Variants in SYT9 observed in about 807,000 individuals in gnomAD.
SYT9 encodes the protein synaptotagmin 9.
SYT9 carries 22 observed loss-of-function variants against 48.4 expected under a neutral mutation model. The observed-to-expected ratio is 0.45, with a 90% CI of 0.32 to 0.65. The LOEUF is 0.65. Among genes scored for constraint, SYT9 ranks in the 30% least tolerant of loss-of-function variants. The pLI is 0.03. For synonymous variants in SYT9, 265 were observed against 245.0 expected (o/e 1.08, Z -0.76); for missense variants, 577 against 622.0 (o/e 0.93, Z 0.77).
At chr11:7,372,070 A>G (rs1850371635) in intron 3 of SYT9, among the ~76,000 whole-genome samples, 1 of 152,144 alleles carries the variant, frequency 6.6e-6, no homozygotes, top group Non-Finnish European at 1.5e-5. Context: ...TATGTTTGTA[A>G]GAAACACAAA....
intron 3 of SYT9, among the ~76,000 whole-genome samples, chr11:7,404,891 G>A (rs949034200): frequency 5.3e-5 from 8 of 152,142 alleles, no homozygotes; most frequent in Non-Finnish European, 1.2e-4. Flanking sequence ...ACAGATCACA[G>A]AAAGAGTTTA....
At chr11:7,343,549 A>T (rs1015151888) in intron 3 of SYT9, among the ~76,000 whole-genome samples, 5 of 152,194 alleles carry the variant, frequency 3.3e-5, no homozygotes, top group Non-Finnish European at 7.3e-5. Flanking sequence ...TTAATGGTCC[A>T]TTATCAGCAT....
intron 3 of SYT9, among the ~76,000 whole-genome samples, chr11:7,334,750 C>G (rs1418709811): frequency 7.3e-6 from 1 of 136,130 alleles, no homozygotes; most frequent in Non-Finnish European, 1.6e-5. Flanking sequence ...AGGTACTCCG[C>G]TTTTACTTCT....
At chr11:7,269,033 G>A (rs574403409) in intron 1 of SYT9, among the ~76,000 whole-genome samples, 1 of 152,138 alleles carries the variant, frequency 6.6e-6, no homozygotes, top group East Asian at 1.9e-4. Flanking sequence ...TTGAGGCCTG[G>A]CTATATCATA....
intron 3 of SYT9, among the ~76,000 whole-genome samples, chr11:7,407,056 A>G (rs1847028916): frequency 6.6e-6 from 1 of 151,958 alleles, no homozygotes; most frequent in Admixed American, 6.6e-5. Context: ...TTGGGTTTTT[A>G]AAAATTTTTT....
chr11:7,301,625 C>T lies in SYT9; in HGVS notation c.146-1414C>T, dbSNP rs192595599. ...TATGAATCTGTGAAGACATGGCGTGCGCCTATCATGTTCCTCATTATATCT... is the reference window on the plus strand; with the variant it reads ...TATGAATCTGTGAAGACATGGCGTGTGCCTATCATGTTCCTCATTATATCT... On this transcript the variant is annotated intron_variant, in intron 1 of 6. Transcript: ENST00000318881. Among the ~76,000 whole-genome samples the T allele has an allele frequency of 1.4e-4, 21 of 152,312 alleles. No individual in the cohort carries two copies. The East Asian group carries it at 3.5e-3, about 25-fold the overall frequency.
At chr11:7,388,420 T>G (rs546608046) in intron 3 of SYT9, among the ~76,000 whole-genome samples, 1 of 152,288 alleles carries the variant, frequency 6.6e-6, no homozygotes, top group East Asian at 1.9e-4. Flanking sequence ...AAGAGGGCTA[T>G]TTTTATTTGC....
chr11:7,433,254 C>T (rs1411373432), intron 6 of SYT9, among the ~76,000 whole-genome samples: 1 of 152,184 alleles, frequency 6.6e-6, no homozygotes, highest in African/African-American at 2.4e-5. Context: ...GTATAGCCTG[C>T]AGAACTGTGA....
rs140771068 is a variant in SYT9 at position 7,420,354 on chromosome 11, C to T, written c.1338-152C>T. 4,897 of 995,116 alleles carry T rather than the reference C, an allele frequency of 4.9e-3. 12 individuals are homozygous for T. The highest frequency in any genetic ancestry group is 6.5e-3 in the Non-Finnish European group (4,432 of 683,198). 61.6% of individuals were successfully genotyped at this position (995,116 alleles called of 1,614,324 possible). On this transcript the variant is annotated intron_variant, in intron 5 of 6. Coordinates refer to ENST00000318881, the MANE Select transcript of SYT9 (RefSeq NM_175733.4). Reference sequence around the variant, plus strand: ...ATCCCAAGTCCTATTGGCCGTGAAGCTTAGCCTGTAGTTTTAAGTGAGGAA... The same window carrying T: ...ATCCCAAGTCCTATTGGCCGTGAAGTTTAGCCTGTAGTTTTAAGTGAGGAA...
intron 6 of SYT9, chr11:7,435,111 G>A (rs571210026): frequency 5.3e-5 from 8 of 152,232 alleles, no homozygotes; most frequent in Non-Finnish European, 1.0e-4. Context: ...TCAACCAAAT[G>A]GTTTGAGTCC....
intron 6 of SYT9, among the ~76,000 whole-genome samples, chr11:7,442,833 G>A (rs573148723): frequency 6.6e-6 from 1 of 150,838 alleles, no homozygotes; most frequent in South Asian, 2.1e-4. Flanking sequence ...GACTCTGATG[G>A]GTTCATTGAT....
intron 3 of SYT9, among the ~76,000 whole-genome samples, chr11:7,415,665 G>A (rs1847229730): frequency 6.6e-6 from 1 of 152,126 alleles, no homozygotes; most frequent in African/African-American, 2.4e-5. Flanking sequence ...GTAGTGATAT[G>A]AGTGGAGCCA....
At position 7,313,950 on chromosome 11, in the gene SYT9, A is replaced by G; in HGVS notation, c.1044+9A>G. On this transcript the variant is annotated intron_variant, in intron 3 of 6. Transcript: ENST00000318881. ...TCGAATATGTCACCAATGTGAGTCC[A>G]GCATTTCTTCATTTTTGTGGTGGGG... 6.2e-7 allele frequency: 1 copy of G among 1,601,894 alleles called. No homozygotes were observed. The highest frequency in any genetic ancestry group is 8.5e-7 in the Non-Finnish European group (1 of 1,175,268).
intron 3 of SYT9, among the ~76,000 whole-genome samples, chr11:7,378,341 A>C (rs1447837209): frequency 6.6e-6 from 1 of 152,094 alleles, no homozygotes; most frequent in Admixed American, 6.6e-5. Context: ...ACCTAAGAGC[A>C]CCCAATATCC....
chr11:7,360,695 T>A (rs1336330148), intron 3 of SYT9, among the ~76,000 whole-genome samples: 16 of 152,210 alleles, frequency 1.1e-4, no homozygotes, highest in Admixed American at 8.5e-4. Context: ...AATTGGCCTA[T>A]AATTTTCCTC....
intron 3 of SYT9, among the ~76,000 whole-genome samples, chr11:7,404,961 A>G (rs72846054): frequency 1.3e-5 from 2 of 152,254 alleles, no homozygotes; most frequent in Non-Finnish European, 2.9e-5. Context: ...TATCTTTCTA[A>G]CAATACCATA....
intron 3 of SYT9, among the ~76,000 whole-genome samples, chr11:7,318,742 C>G (rs905442204): frequency 6.6e-6 from 1 of 152,006 alleles, no homozygotes; most frequent in Non-Finnish European, 1.5e-5. Context: ...TTTTTTACTC[C>G]TTTAATCTGC....
At chr11:7,437,219 G>A (rs927449048) in intron 6 of SYT9, among the ~76,000 whole-genome samples, 11 of 152,134 alleles carry the variant, frequency 7.2e-5, no homozygotes, top group African/African-American at 2.7e-4. Context: ...GCTTCACAAA[G>A]ACTTTAGTGT....
chr11:7,414,253 T>A (rs1027335871), intron 3 of SYT9, among the ~76,000 whole-genome samples: 10 of 152,258 alleles, frequency 6.6e-5, no homozygotes, highest in African/African-American at 2.4e-4. Flanking sequence ...TGGTTAATTC[T>A]GTATTTACTT....
Sources: allele counts gnomAD v4.1 joint callset (sites outside exome capture counted in the v4.1 genomes callset), GRCh38; gene constraint gnomAD v4.1.1; transcripts MANE v1.5; gene names NCBI Gene and HGNC (gene_info 2026-07-23, HGNC 2026-07-21).